The following NUP37 variants were observed in gnomAD, a reference collection of about 807,000 sequenced individuals.
The protein encoded by NUP37 is nucleoporin Nup37.
NUP37 carries 33 observed loss-of-function variants against 45.4 expected under a neutral mutation model. That is an observed-to-expected ratio of 0.73 (90% confidence interval 0.55 to 0.97). NUP37 has a LOEUF of 0.97. NUP37 is among the 50% of genes least tolerant of loss of function. The pLI is 0.00. For missense variants in NUP37, 365 were observed against 389.7 expected (o/e 0.94, Z 0.53); for synonymous variants, 127 against 130.7 (o/e 0.97, Z 0.19).
rs574094805 is a variant in NUP37 at position 102,118,581 on chromosome 12, A to C, written c.-63T>G. On this transcript the variant is annotated splice_region_variant and 5_prime_UTR_variant, in exon 2 of 10. Transcript: ENST00000552283. The stretch of plus-strand genomic sequence containing the variant: ...TAGCCTTCTACTGGACAAGGTCACG[A>C]AACTGTGGATTAGAGCACAGGTACA... 32 of 1,477,592 alleles carry C rather than the reference A, an allele frequency of 2.2e-5. No individual in the cohort carries two copies. Among genetic ancestry groups the C allele is most frequent in the Admixed American group, 4.1e-5 (2 of 49,054 alleles). 91.5% of individuals were successfully genotyped at this position (1,477,592 alleles called of 1,614,324 possible).
At chr12:102,074,727 T>C (rs1246057148) in intron 9 of NUP37, 3 of 435,758 alleles carry the variant, frequency 6.9e-6, no homozygotes, top group Admixed American at 4.0e-5. Context: ...ATTAATGTAT[T>C]TAAATAAAGA....
At position 102,076,780 on chromosome 12, in the gene NUP37, CA is replaced by C. The variant is rs757406957; in HGVS notation, c.773+16del. On this transcript the variant is annotated intron_variant, in intron 8 of 9. Transcript: ENST00000552283. ...TCAAAAGATCAAATCACAGCTCCAA[CA>C]AAAACGGTACATTACCTGAATAAGC... 2 of 1,610,962 alleles carry C rather than the reference CA, an allele frequency of 1.2e-6. No individual in the cohort carries two copies. Among genetic ancestry groups the C allele is most frequent in the Admixed American group, 1.7e-5 (1 of 59,902 alleles).
chr12:102,098,334 TG>T (rs1555206286), intron 5 of NUP37, among the ~76,000 whole-genome samples: 2 of 152,246 alleles, frequency 1.3e-5, no homozygotes, highest in Non-Finnish European at 2.9e-5. Flanking sequence ...TTAAATGTAT[TG>T]TATCTAAAGA....
chr12:102,110,526 A>G (rs1381610544), intron 3 of NUP37, among the ~76,000 whole-genome samples: 2 of 151,974 alleles, frequency 1.3e-5, no homozygotes, highest in Non-Finnish European at 2.9e-5. Context: ...AAAAAAAAAA[A>G]AAAGAAAGAT....
intron 8 of NUP37, among the ~76,000 whole-genome samples, chr12:102,076,437 A>G (rs1006814816): frequency 6.6e-6 from 1 of 152,234 alleles, no homozygotes; most frequent in East Asian, 1.9e-4. Flanking sequence ...ACTATCTAGC[A>G]TAGTTTCATT....
At chr12:102,078,191 T>C (rs1879232472) in intron 6 of NUP37, among the ~76,000 whole-genome samples, 1 of 150,316 alleles carries the variant, frequency 6.7e-6, no homozygotes, top group Non-Finnish European at 1.5e-5. Context: ...ATTAGCCGGT[T>C]GTGGTGGCAT....
chr12:102,092,738 G>A (rs568042091), intron 5 of NUP37, among the ~76,000 whole-genome samples: 19 of 152,284 alleles, frequency 1.2e-4, no homozygotes, highest in African/African-American at 3.8e-4. Flanking sequence ...AATCTTTACA[G>A]TGGGTATGGG....
chr12:102,111,241 T>G (rs1462704443), intron 3 of NUP37, among the ~76,000 whole-genome samples: 1 of 152,208 alleles, frequency 6.6e-6, no homozygotes, highest in Non-Finnish European at 1.5e-5. Flanking sequence ...AAAACTGATT[T>G]CTGGTAATAG....
At chr12:102,112,759 A>G (rs1366839814) in intron 2 of NUP37, among the ~76,000 whole-genome samples, 5 of 152,230 alleles carry the variant, frequency 3.3e-5, no homozygotes, top group Non-Finnish European at 7.3e-5. Flanking sequence ...TTCTCACTAC[A>G]TGGAAAATAC....
chr12:102,091,438 C>CA (rs1384460213), intron 5 of NUP37, among the ~76,000 whole-genome samples: 28 of 78,630 alleles, frequency 3.6e-4, no homozygotes, highest in African/African-American at 9.2e-4. Flanking sequence ...ACCCAAAAAA[C>CA]AAAAAAAACC....
intron 3 of NUP37, among the ~76,000 whole-genome samples, chr12:102,108,190 AC>A (rs879638131): frequency 4.6e-5 from 7 of 152,094 alleles, no homozygotes; most frequent in Non-Finnish European, 8.8e-5. Flanking sequence ...AGGAAGACAC[AC>A]CCATAATGTG....
At chr12:102,076,927 C>A in intron 7 of NUP37, 80 bp from the exon 8 acceptor site, 2 of 969,098 alleles carry the variant, frequency 2.1e-6, no homozygotes, top group South Asian at 2.9e-5. Flanking sequence ...AGTATTTTCT[C>A]TTTATAGGAC....
intron 3 of NUP37, among the ~76,000 whole-genome samples, chr12:102,103,521 T>C (rs1214740876): frequency 6.6e-6 from 1 of 152,202 alleles, no homozygotes; most frequent in Non-Finnish European, 1.5e-5. Context: ...TAAGATCATG[T>C]ATCAGGAAAC....
intron 5 of NUP37, among the ~76,000 whole-genome samples, chr12:102,094,515 G>A (rs73185914): frequency 0.042 from 6,336 of 151,826 alleles, 200 homozygotes; most frequent in African/African-American, 0.08. Context: ...TGGGGGTGGA[G>A]GAAGAACACT....
chr12:102,106,375 T>C (rs1880155674), intron 3 of NUP37, among the ~76,000 whole-genome samples: 1 of 152,210 alleles, frequency 6.6e-6, no homozygotes, highest in Admixed American at 6.5e-5. Flanking sequence ...TATCAAGTTA[T>C]CCCCTAAAAA....
At chr12:102,098,864 T>C (rs910515527) in intron 5 of NUP37, among the ~76,000 whole-genome samples, 5 of 152,082 alleles carry the variant, frequency 3.3e-5, no homozygotes, top group African/African-American at 1.2e-4. Flanking sequence ...AATGTGAAAA[T>C]CTGAAATAAG....
intron 3 of NUP37, among the ~76,000 whole-genome samples, chr12:102,104,522 T>G (rs1160218833): frequency 6.6e-6 from 1 of 152,210 alleles, no homozygotes; most frequent in Non-Finnish European, 1.5e-5. Context: ...GCTTTTGTTA[T>G]CAAAACTAAG....
chr12:102,099,216 ACAG>A lies in NUP37; in HGVS notation c.355-19_355-17del. 1 of 1,559,292 alleles carries A rather than the reference ACAG, an allele frequency of 6.4e-7. No homozygotes were observed. Among genetic ancestry groups the A allele is most frequent in the Non-Finnish European group, 8.8e-7 (1 of 1,130,706 alleles). On this transcript the variant is annotated splice_polypyrimidine_tract_variant and intron_variant, in intron 4 of 9. Coordinates refer to ENST00000552283, the MANE Select transcript of NUP37 (RefSeq NM_024057.4). Reference sequence around the variant, plus strand: ...CCTCTAAAACCTGACAGAAAGAGAAACAGAAAGCTTAGCAAGAAAACAGAAAAA... The same window carrying A: ...CCTCTAAAACCTGACAGAAAGAGAAAAAAGCTTAGCAAGAAAACAGAAAAA...
chr12:102,107,231 C>T (rs1160980817), intron 3 of NUP37, among the ~76,000 whole-genome samples: 1 of 152,060 alleles, frequency 6.6e-6, no homozygotes, highest in Non-Finnish European at 1.5e-5. Flanking sequence ...AATGGCAACA[C>T]GTTAAGAAAA....
Sources: allele counts gnomAD v4.1 joint callset (sites outside exome capture counted in the v4.1 genomes callset), GRCh38; gene constraint gnomAD v4.1.1; transcripts MANE v1.5; gene names NCBI Gene and HGNC (gene_info 2026-07-23, HGNC 2026-07-21).